Variants in MAP3K12 observed in about 807,000 individuals in gnomAD.
The protein encoded by MAP3K12 is MAPK-upstream kinase.
Under a neutral mutation model 87.5 loss-of-function variants are expected in MAP3K12, and 14 were observed. The ratio of observed to expected loss-of-function variants is 0.16; its 90% CI spans 0.11 to 0.25. The LOEUF (loss-of-function observed/expected upper bound fraction) is 0.25. Ranked by LOEUF, MAP3K12 falls within the 10% of genes least tolerant of loss-of-function variation. MAP3K12 has a pLI of 1.00. For missense variants in MAP3K12, 802 were observed against 1,140.4 expected (o/e 0.70, Z 4.27); for synonymous variants, 469 against 452.5 (o/e 1.04, Z -0.46).
rs1943112247 is a variant in MAP3K12, at chr12:53,482,940, C to A, written c.1863G>T (p.Glu621Asp). 1 of 1,606,596 alleles carries A rather than the reference C, an allele frequency of 6.2e-7. No individual in the cohort carries two copies. The highest frequency in any genetic ancestry group is 1.7e-5 in the Admixed American group (1 of 59,592). Residue 621 changes from glutamate to aspartate, a missense_variant, in exon 11 of 14, where the codon GAG (glutamate) becomes GAT (aspartate). Physicochemically the swap from Glu to Asp is conservative, Grantham distance 45. Coordinates refer to ENST00000547488, the MANE Select transcript of MAP3K12 (RefSeq NM_001193511.2). ...GGLGGGPSAW[E>D]ACPPALRGLH... Reference sequence around the variant, plus strand: ...GCCCACGGAGGGCGGGAGGGCAGGCCTCCCAGGCTGAGGGTCCCCCTCCTA... The same window carrying A: ...GCCCACGGAGGGCGGGAGGGCAGGCATCCCAGGCTGAGGGTCCCCCTCCTA...
In MAP3K12 at chr12:53,487,447, G is replaced by A; in HGVS notation, c.-37-19C>T. ...CTGGGCCCTGTGGGAATGAAGGAAG[G>A]AGGGGCTGGGCTGTTAAAGCCCCAG... On this transcript the variant is annotated intron_variant, in intron 1 of 13. Coordinates refer to ENST00000547488, the MANE Select transcript of MAP3K12 (RefSeq NM_001193511.2). The A allele has an allele frequency of 6.4e-7, 1 of 1,552,140 alleles. No individual in the cohort carries two copies. The highest frequency in any genetic ancestry group is 1.2e-5 in the South Asian group (1 of 80,940).
In MAP3K12 at chr12:53,482,173, G is replaced by GTAGA; in HGVS notation, c.2344_2347dup (p.Thr783IlefsTer17). 5 of 1,614,232 alleles carry GTAGA rather than the reference G, an allele frequency of 3.1e-6. No individual in the cohort carries two copies. Among genetic ancestry groups the GTAGA allele is most frequent in the Non-Finnish European group, 4.2e-6 (5 of 1,180,042 alleles). On this transcript the variant is annotated frameshift_variant, in exon 13 of 14. Transcript: ENST00000547488. LOFTEE classifies it high-confidence loss of function. ...ATCTGATGGATTCTCTGAGCTGAAG[G>GTAGA]TAGATAGTGACTGGCGCATGTTCAG...
Position 53,486,312 on chromosome 12 carries a change from A to AC in MAP3K12, c.630-66dup. 6.4e-7 allele frequency: 1 copy of AC among 1,552,202 alleles called. No homozygotes were observed. The highest frequency in any genetic ancestry group is 8.7e-7 in the Non-Finnish European group (1 of 1,145,320). Reference sequence around the variant, plus strand: ...AGCATTCACCTGATTCATACCTGGAACCCCCATTCCCACCCATTCCACCTA... The same window carrying AC: ...AGCATTCACCTGATTCATACCTGGAACCCCCCATTCCCACCCATTCCACCTA... On this transcript the variant is annotated intron_variant, in intron 3 of 13. Transcript: ENST00000547488. This position sits in a 1 kb window ranked among gnomAD's most constrained non-coding sequence, Gnocchi z 4.9.
rs771720048 is a variant in MAP3K12, at chr12:53,483,020, G to A, written c.1783C>T (p.Leu595Phe). ...AKGSCGDLPG[L>F]RTAVPPHEPG... ...TCATGGGGTGGCACAGCTGTACGAA[G>A]CCCAGGCAGGTCCCCACAGCTCCCC... The change falls in exon 11 of 14, where the codon CTT becomes TTT. Residue 595 changes from leucine (L) to phenylalanine (F), a missense_variant. Leu to Phe is a conservative substitution (Grantham distance 22, BLOSUM62 0). Transcript: ENST00000547488. 1 of 1,558,876 alleles carries A rather than the reference G, an allele frequency of 6.4e-7. No homozygotes were observed. Among genetic ancestry groups the A allele is most frequent in the Non-Finnish European group, 8.7e-7 (1 of 1,153,412 alleles).
rs533517427 is a variant in MAP3K12 at position 53,482,909 on chromosome 12, G to T, written c.1894C>A (p.His632Asn). 6.2e-7 allele frequency: 1 copy of T among 1,610,728 alleles called. No homozygotes were observed. The highest frequency in any genetic ancestry group is 8.5e-7 in the Non-Finnish European group (1 of 1,179,836). The change falls in exon 11 of 14, where the codon CAT becomes AAT. Residue 632 changes from histidine to asparagine, a missense_variant. His to Asn is a moderately conservative substitution (Grantham distance 68). This residue lies in a region of MAP3K12 where 490 missense variants were observed against 496.6 expected (regional missense o/e 0.99). Coordinates refer to ENST00000547488, the MANE Select transcript of MAP3K12 (RefSeq NM_001193511.2). Reference protein sequence around the residue: ...ACPPALRGLHHDLLLRKMSSS... With the variant: ...ACPPALRGLHNDLLLRKMSSS... ...GACATTTTGCGGAGCAGGAGGTCAT[G>T]ATGAAGCCCACGGAGGGCGGGAGGG... is the stretch of plus-strand genomic sequence containing the variant.
chr12:53,490,753 A>C (rs1205211479), intron 1 of MAP3K12, among the ~76,000 whole-genome samples: 2 of 151,702 alleles, frequency 1.3e-5, no homozygotes, highest in Non-Finnish European at 2.9e-5. Flanking sequence ...CTCAAAAAAA[A>C]AAAAAAAATT....
Position 53,482,665 on chromosome 12 carries a change from G to A in MAP3K12, c.2138C>T (p.Thr713Ile). Residue 713 changes from threonine to isoleucine, a missense_variant, in exon 11 of 14, where the codon ACT (threonine) becomes ATT (isoleucine). Thr to Ile is a moderately conservative substitution (Grantham distance 89). This residue lies in a region of MAP3K12 where 490 missense variants were observed against 496.6 expected (regional missense o/e 0.99). Transcript: ENST00000547488. ...CCGGCCTGAGGTCCCTTCCCTTCCA[G>A]TTCCCAGAAGCCCCACACCTTCACC... ...GPGEGVGLLG[T>I]GREGTSGRGG... The A allele has an allele frequency of 6.2e-7, 1 of 1,613,948 alleles. No homozygotes were observed.
At chr12:53,491,670 T>C (rs56660007) in intron 1 of MAP3K12, among the ~76,000 whole-genome samples, 1 of 151,678 alleles carries the variant, frequency 6.6e-6, no homozygotes, top group Non-Finnish European at 1.5e-5. Context: ...CCTGACCTCA[T>C]GATCCGCCCA....
At position 53,483,425 on chromosome 12, in the gene MAP3K12, G is replaced by A. The variant is rs755716823; in HGVS notation, c.1537C>T (p.Leu513Phe). ...TTCTCCATTGTGTTTCCATGCAGGA[G>A]GCCCCGGGAAGGGTGTGGCTTCAGC... ...GLLKPHPSRG[L>F]LHGNTMEKLI... The change falls in exon 10 of 14, where the codon CTC becomes TTC. Residue 513 changes from leucine to phenylalanine, a missense_variant. Physicochemically the swap from Leu to Phe is conservative, Grantham distance 22. Coordinates refer to ENST00000547488, the MANE Select transcript of MAP3K12 (RefSeq NM_001193511.2). 2.5e-6 allele frequency: 4 copies of A among 1,613,990 alleles called. No homozygotes were observed. The highest frequency in any genetic ancestry group is 2.2e-5 in the East Asian group (1 of 44,882).
intron 4 of MAP3K12, 70 bp downstream of exon 4, chr12:53,485,986 G>A (rs376136651): frequency 5.3e-5 from 77 of 1,452,402 alleles, no homozygotes; most frequent in Middle Eastern, 1.8e-4. Flanking sequence ...TTTGGAAGCC[G>A]GGAGAAGGCC....
Position 53,487,340 on chromosome 12 carries a change from C to T in MAP3K12, c.52G>A (p.Val18Met). The change falls in exon 2 of 14, where the codon GTG (valine) becomes ATG (methionine). Residue 18 changes from valine (V) to methionine (M), a missense_variant. Physicochemically the swap from Val to Met is conservative, Grantham distance 21. Transcript: ENST00000547488. ...RTPSPSFGGF[V>M]STLSEASMRK... ...ATGGATGCCTCACTTAGGGTAGACA[C>T]AAAGCCCCCAAAGGAAGGAGAGGGT... The T allele has an allele frequency of 6.2e-7, 1 of 1,613,878 alleles. No homozygotes were observed. The highest frequency in any genetic ancestry group is 1.1e-5 in the South Asian group (1 of 91,066).
Position 53,485,086 on chromosome 12 carries a change from T to C in MAP3K12, c.1109A>G (p.Asp370Gly), listed in dbSNP as rs1302483124. Residue 370 changes from aspartate to glycine, a missense_variant, in exon 6 of 14, where the codon GAT (aspartate) becomes GGT (glycine). Physicochemically the swap from Asp to Gly is moderately conservative, Grantham distance 94. Around this residue, in one of 5 missense-constraint regions of MAP3K12, gnomAD observed 99 missense variants for 193.4 expected, o/e 0.51. Coordinates refer to ENST00000547488, the MANE Select transcript of MAP3K12 (RefSeq NM_001193511.2). The part of the protein sequence containing the change: ...LHLPVPSSCP[D>G]GFKILLRQCW... ...CTGGCGAAGCAGGATCTTGAAACCA[T>C]CTGGGCAACTGGAGGGCACGGGCAG... 6.2e-7 allele frequency: 1 copy of C among 1,614,192 alleles called. No individual in the cohort carries two copies. The highest frequency in any genetic ancestry group is 2.2e-5 in the East Asian group (1 of 44,886).
In MAP3K12 at chr12:53,481,179, C is replaced by G; in HGVS notation, c.*3G>C. 6.7e-7 allele frequency: 1 copy of G among 1,487,922 alleles called. No homozygotes were observed. Among genetic ancestry groups the G allele is most frequent in the East Asian group, 2.6e-5 (1 of 38,026 alleles). 92.2% of individuals were successfully genotyped at this position (1,487,922 alleles called of 1,614,324 possible). A position where few individuals can be genotyped will look rare whatever the true frequency, so the allele number is the denominator to read the frequency against. On this transcript the variant is annotated 3_prime_UTR_variant, in exon 14 of 14. Transcript: ENST00000547488. ...CTCTATGTACAAGGAATACGAGTGG[C>G]TTTCATGGAGGGAGGGAAGCTGGGG...
intron 1 of MAP3K12, among the ~76,000 whole-genome samples, chr12:53,496,279 C>A (rs962879522): frequency 4.6e-5 from 7 of 152,188 alleles, no homozygotes; most frequent in Admixed American, 6.5e-5. Context: ...CATTCCTCTA[C>A]CAGATCACCA....
intron 1 of MAP3K12, among the ~76,000 whole-genome samples, chr12:53,493,361 CAG>C (rs1423317956): frequency 6.6e-6 from 1 of 152,118 alleles, no homozygotes; most frequent in African/African-American, 2.4e-5. Flanking sequence ...CCCCCGCATG[CAG>C]AGAGATCTTC....
rs1369569544 is a variant in MAP3K12, at chr12:53,482,942, C to T, written c.1861G>A (p.Glu621Lys). 3 of 1,606,514 alleles carry T rather than the reference C, an allele frequency of 1.9e-6. No homozygotes were observed. The highest frequency in any genetic ancestry group is 1.7e-6 in the Non-Finnish European group (2 of 1,178,362). ...GGLGGGPSAW[E>K]ACPPALRGLH... is the part of the protein sequence containing the mutation. ...CCACGGAGGGCGGGAGGGCAGGCCT[C>T]CCAGGCTGAGGGTCCCCCTCCTAGG... The change falls in exon 11 of 14, where the codon GAG becomes AAG. Residue 621 changes from glutamate to lysine, a missense_variant. Transcript: ENST00000547488.
intron 1 of MAP3K12, among the ~76,000 whole-genome samples, chr12:53,498,395 C>T (rs1943586635): frequency 6.6e-6 from 1 of 152,142 alleles, no homozygotes. Context: ...TGAGACGACT[C>T]TGGGTGGGGT....
chr12:53,484,403 TGAGG>T, intron 6 of MAP3K12, 38 bp from the exon 7 acceptor site: 2 of 1,502,236 alleles, frequency 1.3e-6, no homozygotes, highest in Non-Finnish European at 1.9e-6. Context: ...GGGGAGAATT[TGAGG>T]GAGGATCAGA....
In MAP3K12 at chr12:53,482,610, C is replaced by T; in HGVS notation, c.2193G>A (p.Leu731=). ...RGGSRAGSQH[L]TPAALLYRAA... is the part of the protein sequence containing the mutation. ...CCCTGTACAGCAGTGCAGCTGGGGT[C>T]AAGTGCTGGGACCCAGCCCGGCTTC... is the stretch of plus-strand genomic sequence containing the variant. The change falls in exon 11 of 14, where the codon TTG becomes TTA. Residue 731 remains leucine (L), a synonymous_variant. Coordinates refer to ENST00000547488, the MANE Select transcript of MAP3K12 (RefSeq NM_001193511.2). The T allele has an allele frequency of 6.2e-7, 1 of 1,613,764 alleles. No individual in the cohort carries two copies. The highest frequency in any genetic ancestry group is 8.5e-7 in the Non-Finnish European group (1 of 1,179,944).
Sources: allele counts gnomAD v4.1 joint callset (sites outside exome capture counted in the v4.1 genomes callset), GRCh38; gene constraint gnomAD v4.1.1; regional missense constraint gnomAD v4.1.1; non-coding constraint Gnocchi (gnomAD v3.1); transcripts MANE v1.5; gene names NCBI Gene and HGNC (gene_info 2026-07-23, HGNC 2026-07-21).